HERC1: variants seen among roughly 807,000 people sequenced by gnomAD.
The protein encoded by HERC1 is HECT and RLD domain containing E3 ubiquitin protein ligase family member 1.
Under a neutral mutation model 554.3 loss-of-function variants are expected in HERC1, and 160 were observed. That is an observed-to-expected ratio of 0.29 (90% confidence interval 0.25 to 0.33). The LOEUF is 0.33. Among genes scored for constraint, HERC1 ranks in the 10% least tolerant of loss-of-function variants. The pLI is 1.00. For missense variants in HERC1, 4,919 were observed against 5,918.5 expected (o/e 0.83, Z 5.54); for synonymous variants, 2,175 against 2,131.7 (o/e 1.02, Z -0.56).
At chr15:63,721,092 C>G (rs2073798979) in intron 19 of HERC1, among the ~76,000 whole-genome samples, 1 of 151,924 alleles carries the variant, frequency 6.6e-6, no homozygotes, top group Non-Finnish European at 1.5e-5. Flanking sequence ...TATAGAAAAC[C>G]TAACTGCACA....
chr15:63,619,864 G>T (rs961276613), intron 74 of HERC1, among the ~76,000 whole-genome samples: 1 of 151,704 alleles, frequency 6.6e-6, no homozygotes, highest in Non-Finnish European at 1.5e-5. Flanking sequence ...TTTTTATTGC[G>T]TCTATTTGAT....
chr15:63,643,358 A>G, intron 58 of HERC1, 46 bp downstream of exon 58: 1 of 1,517,488 alleles, frequency 6.6e-7, no homozygotes, highest in South Asian at 1.2e-5. Flanking sequence ...TGTTTAAGTT[A>G]GTGTCAAAAT....
chr15:63,616,010 ACT>A, intron 75 of HERC1, 90 bp from the exon 76 acceptor site: 1 of 1,097,852 alleles, frequency 9.1e-7, no homozygotes, highest in Middle Eastern at 2.5e-4. Context: ...GCAATAACAA[ACT>A]CACAATTTTT....
At chr15:63,799,474 T>C (rs1455033681) in intron 1 of HERC1, among the ~76,000 whole-genome samples, 1 of 151,326 alleles carries the variant, frequency 6.6e-6, no homozygotes, top group Non-Finnish European at 1.5e-5. Context: ...CACTCTAGCC[T>C]GGGTGATAGA....
At chr15:63,699,130 A>C (rs1421529601) in intron 25 of HERC1, 134 bp from the exon 26 acceptor site, 2 of 734,834 alleles carry the variant, frequency 2.7e-6, no homozygotes, top group Non-Finnish European at 4.4e-6. Context: ...ACGCGCATGC[A>C]TTAAGTGAAT....
At chr15:63,663,940 T>C (rs2070484177) in intron 43 of HERC1, among the ~76,000 whole-genome samples, 1 of 152,252 alleles carries the variant, frequency 6.6e-6, no homozygotes. Context: ...ACAAATCACA[T>C]ATTCAAGTTT....
chr15:63,627,348 A>G (rs1056724182), intron 70 of HERC1, among the ~76,000 whole-genome samples: 1 of 152,166 alleles, frequency 6.6e-6, no homozygotes, highest in South Asian at 2.1e-4. Flanking sequence ...CTTAGACACC[A>G]GAAGATGGTA....
At chr15:63,740,133 C>T (rs1212988377) in intron 12 of HERC1, among the ~76,000 whole-genome samples, 2 of 152,112 alleles carry the variant, frequency 1.3e-5, no homozygotes, top group Admixed American at 6.5e-5. Context: ...TGGTCTCAAA[C>T]TCCTGGACTC....
chr15:63,638,548 C>T lies in HERC1; in HGVS notation c.11968-12G>A, dbSNP rs1215565339. On this transcript the variant is annotated splice_polypyrimidine_tract_variant and intron_variant, in intron 62 of 77. Coordinates refer to ENST00000443617, the MANE Select transcript of HERC1 (RefSeq NM_003922.4). ...CCCAGGTGCCAGTCCTAGAAAACCA[C>T]AATCATCTCAAAATTAGAGTCATCC... is the stretch of plus-strand genomic sequence containing the variant. The T allele has an allele frequency of 2.5e-6, 4 of 1,613,678 alleles. No individual in the cohort carries two copies. The highest frequency in any genetic ancestry group is 2.2e-5 in the East Asian group (1 of 44,868).
Position 63,780,721 on chromosome 15 carries a change from CA to C in HERC1, c.-26-5073del, listed in dbSNP as rs987167468. On this transcript the variant is annotated intron_variant, in intron 1 of 77. Coordinates refer to ENST00000443617, the MANE Select transcript of HERC1 (RefSeq NM_003922.4). ...TGGGCAACACAATGAGACTCCGTTT[CA>C]AAAAAAAAAAGGTAAAACAGAGACT... 1.8e-3 allele frequency among the ~76,000 whole-genome samples: 242 copies of C among 134,764 alleles called. 2 individuals are homozygous for C. Among genetic ancestry groups the C allele is most frequent in the African/African-American group, 3.5e-3 (128 of 36,598 alleles). 88.4% of individuals were successfully genotyped at this position (134,764 alleles called of 152,430 possible).
chr15:63,685,025 G>T (rs1287091369), intron 34 of HERC1, among the ~76,000 whole-genome samples: 1 of 152,100 alleles, frequency 6.6e-6, no homozygotes, highest in East Asian at 1.9e-4. Flanking sequence ...AAACACAAAA[G>T]AAAATAAAAC....
At chr15:63,789,173 C>T (rs1316553982) in intron 1 of HERC1, among the ~76,000 whole-genome samples, 4 of 139,436 alleles carry the variant, frequency 2.9e-5, no homozygotes, top group Admixed American at 2.2e-4. Context: ...TCACTGCAAG[C>T]TCCGCCTCCC....
At chr15:63,803,790 A>G (rs1022112460) in intron 1 of HERC1, among the ~76,000 whole-genome samples, 5 of 152,248 alleles carry the variant, frequency 3.3e-5, no homozygotes, top group African/African-American at 1.2e-4. Context: ...CAGGAAGGCA[A>G]TGGACTGAGA....
chr15:63,732,065 G>A (rs368465677), intron 14 of HERC1, among the ~76,000 whole-genome samples: 2 of 152,004 alleles, frequency 1.3e-5, no homozygotes, highest in African/African-American at 2.4e-5. Flanking sequence ...GCAGTGGTGC[G>A]ACCTCAGCTC....
chr15:63,825,512 T>A (rs751582149), intron 1 of HERC1, among the ~76,000 whole-genome samples: 17 of 152,052 alleles, frequency 1.1e-4, no homozygotes, highest in Admixed American at 5.2e-4. Flanking sequence ...AATAAATAAG[T>A]AAGTAAGCCT....
intron 1 of HERC1, among the ~76,000 whole-genome samples, chr15:63,786,964 G>T: frequency 8.0e-6 from 1 of 124,876 alleles, no homozygotes; most frequent in Non-Finnish European, 1.7e-5. Context: ...CACTCTTGTT[G>T]CCCAGTCGGT....
At chr15:63,826,806 A>ATTATATAT (rs1277047088) in intron 1 of HERC1, among the ~76,000 whole-genome samples, 1 of 57,990 alleles carries the variant, frequency 1.7e-5, no homozygotes, top group Non-Finnish European at 3.6e-5. Flanking sequence ...AAAAAAAAAA[A>ATTATATAT]AAAAAAAAAT....
intron 59 of HERC1, among the ~76,000 whole-genome samples, chr15:63,642,315 T>C (rs929664610): frequency 2.6e-5 from 4 of 152,220 alleles, no homozygotes; most frequent in Admixed American, 6.5e-5. Context: ...ATGCTTCTCC[T>C]TTTCAAGGAA....
At chr15:63,809,417 T>C (rs1022155547) in intron 1 of HERC1, among the ~76,000 whole-genome samples, 1 of 152,212 alleles carries the variant, frequency 6.6e-6, no homozygotes, top group Non-Finnish European at 1.5e-5. Context: ...TACAAAGCAG[T>C]GCTCCTAAAA....
Sources: allele counts gnomAD v4.1 joint callset (sites outside exome capture counted in the v4.1 genomes callset), GRCh38; gene constraint gnomAD v4.1.1; transcripts MANE v1.5; gene names NCBI Gene and HGNC (gene_info 2026-07-23, HGNC 2026-07-21).